Variants in CYP2F1 observed in about 807,000 individuals in gnomAD.
CYP2F1 encodes the protein cytochrome P450 2F1.
A neutral mutation model predicts 40.4 loss-of-function variants in CYP2F1; 33 were observed. The ratio of observed to expected loss-of-function variants is 0.82; its 90% CI spans 0.62 to 1.09. CYP2F1 has a LOEUF of 1.09. CYP2F1 is among the 50% of genes least tolerant of loss of function. CYP2F1 has a pLI of 0.00. For synonymous variants in CYP2F1, 235 were observed against 277.2 expected (o/e 0.85, Z 1.51); for missense variants, 566 against 655.7 (o/e 0.86, Z 1.49).
rs36044091 is a variant in CYP2F1 at position 41,114,788 on chromosome 19, CTTTTTTTTTT to C, written c.-12+310_-12+319del. Among the ~76,000 whole-genome samples the C allele has an allele frequency of 4.3e-4, 43 of 100,008 alleles. 2 individuals carry two copies. Among genetic ancestry groups the C allele is most frequent in the Non-Finnish European group, 7.6e-5 (4 of 52,618 alleles). 65.6% of individuals were successfully genotyped at this position (100,008 alleles called of 152,430 possible). On this transcript the variant is annotated intron_variant, in intron 1 of 9. Coordinates refer to ENST00000331105, the MANE Select transcript of CYP2F1 (RefSeq NM_000774.5). ...CGTCTCTTTCTCTCTCTCTCTCTCT[CTTTTTTTTTT>C]TTTTTTTTTTTTTGAGGCTGGAGTG...
intron 3 of CYP2F1, among the ~76,000 whole-genome samples, chr19:41,119,450 T>C (rs1219828448): frequency 6.6e-6 from 1 of 151,556 alleles, no homozygotes; most frequent in East Asian, 1.9e-4. Context: ...TCATCTCTAT[T>C]AAAAATACAA....
At chr19:41,124,679 C>T (rs2032442322) in intron 7 of CYP2F1, 40 bp from the exon 8 acceptor site, 1 of 1,577,176 alleles carries the variant, frequency 6.3e-7, no homozygotes, top group Admixed American at 1.7e-5. Flanking sequence ...CCTGTCGCGC[C>T]CGCTGATACC....
At position 41,124,794 on chromosome 19, in the gene CYP2F1, C is replaced by T. The variant is rs765985687; in HGVS notation, c.1040C>T (p.Pro347Leu). ...LPALKDRAAM[P>L]YTDAVIHEVQ... ...GCGCTGAAGGACCGCGCGGCCATGC[C>T]TTACACAGACGCGGTGATCCACGAG... is the stretch of plus-strand genomic sequence containing the variant. The change falls in exon 8 of 10, where the codon CCT becomes CTT. Residue 347 changes from proline (P) to leucine (L), a missense_variant. Physicochemically the swap from Pro to Leu is moderately conservative, Grantham distance 98. Coordinates refer to ENST00000331105, the MANE Select transcript of CYP2F1 (RefSeq NM_000774.5). 3.1e-6 allele frequency: 5 copies of T among 1,611,222 alleles called. No homozygotes were observed. The highest frequency in any genetic ancestry group is 1.7e-5 in the Admixed American group (1 of 59,952).
At position 41,124,649 on chromosome 19, in the gene CYP2F1, C is replaced by A. The variant is rs2032440217; in HGVS notation, c.965-70C>A. On this transcript the variant is annotated intron_variant, in intron 7 of 9. Transcript: ENST00000331105. ...AGACGCCTCCCCACACACGCACACACCTCTTATCAGCCTGGTTGCCCTGTC... is the reference window on the plus strand; with the variant it reads ...AGACGCCTCCCCACACACGCACACAACTCTTATCAGCCTGGTTGCCCTGTC... 18 of 1,413,620 alleles carry A rather than the reference C, an allele frequency of 1.3e-5. No homozygotes were observed. In the South Asian group the frequency reaches 2.2e-4, roughly 17 times the overall value. 87.6% of individuals were successfully genotyped at this position (1,413,620 alleles called of 1,614,324 possible). A position where few individuals can be genotyped will look rare whatever the true frequency, so the allele number is the denominator to read the frequency against.
intron 3 of CYP2F1, among the ~76,000 whole-genome samples, chr19:41,119,373 G>C (rs1186865343): frequency 6.6e-6 from 1 of 152,126 alleles, no homozygotes; most frequent in Non-Finnish European, 1.5e-5. Flanking sequence ...AGCACTTTGG[G>C]AGGCCGAGGT....
chr19:41,116,289 C>T lies in CYP2F1; in HGVS notation c.101C>T (p.Pro34Leu), dbSNP rs952504994. The change falls in exon 2 of 10, where the codon CCC becomes CTC. Residue 34 changes from proline to leucine, a missense_variant. Around this residue, in one of 5 missense-constraint regions of CYP2F1, gnomAD observed 264 missense variants for 275.7 expected, o/e 0.96. Coordinates refer to ENST00000331105, the MANE Select transcript of CYP2F1 (RefSeq NM_000774.5). ...SRDKGKLPPGPRPLSILGNLL... is the reference protein window; with the variant it reads ...SRDKGKLPPGLRPLSILGNLL... ...GATAAGGGAAAGCTGCCTCCGGGAC[C>T]CAGACCCCTCTCAATCCTGGGAAAC... 5 of 1,614,112 alleles carry T rather than the reference C, an allele frequency of 3.1e-6. No individual in the cohort carries two copies. The highest frequency in any genetic ancestry group is 4.5e-5 in the East Asian group (2 of 44,874).
chr19:41,126,277 T>C (rs995597294), intron 9 of CYP2F1, among the ~76,000 whole-genome samples: 2 of 150,962 alleles, frequency 1.3e-5, no homozygotes, highest in Admixed American at 6.6e-5. Context: ...AATACAAAAT[T>C]AGCCAGGAAT....
chr19:41,125,977 A>C (rs892127096), intron 9 of CYP2F1, among the ~76,000 whole-genome samples: 1 of 151,970 alleles, frequency 6.6e-6, no homozygotes, highest in Admixed American at 6.6e-5. Flanking sequence ...TACTTAAAAT[A>C]CAAAAATTAG....
In CYP2F1 at chr19:41,120,373, TG is replaced by T. The variant is rs777282327; in HGVS notation, c.363del (p.Trp121Ter). The part of the protein sequence containing the change: ...NGIAFSSGDR[W>X]KVLRQFSIQI... The stretch of plus-strand genomic sequence containing the variant: ...CATCGCCTTCTCCAGTGGGGATCGA[TG>T]GAAGGTCCTGAGACAGTTCTCTATC... On this transcript the variant is annotated frameshift_variant, in exon 4 of 10. Transcript: ENST00000331105. LOFTEE classifies it high-confidence loss of function. 3.1e-6 allele frequency: 5 copies of T among 1,609,844 alleles called. No individual in the cohort carries two copies. The highest frequency in any genetic ancestry group is 4.2e-6 in the Non-Finnish European group (5 of 1,178,596).
At position 41,116,149 on chromosome 19, in the gene CYP2F1, C is replaced by G. The variant is rs367694553; in HGVS notation, c.-11-29C>G. 29 of 1,562,872 alleles carry G rather than the reference C, an allele frequency of 1.9e-5. No homozygotes were observed. In the African/African-American group the frequency reaches 3.9e-4, roughly 21 times the overall value. On this transcript the variant is annotated intron_variant, in intron 1 of 9. Coordinates refer to ENST00000331105, the MANE Select transcript of CYP2F1 (RefSeq NM_000774.5). ...GGAAAGGAGGGATCAGCGATGTCCT[C>G]TCCCACTTTGCCCTCCACACGCCAG...
At chr19:41,115,177 G>T (rs1449875593) in intron 1 of CYP2F1, among the ~76,000 whole-genome samples, 1 of 151,746 alleles carries the variant, frequency 6.6e-6, no homozygotes, top group Non-Finnish European at 1.5e-5. Flanking sequence ...CTGTCTATGT[G>T]ACTCTGTCTT....
At chr19:41,117,661 A>G (rs1293866488) in intron 3 of CYP2F1, among the ~76,000 whole-genome samples, 3 of 152,100 alleles carry the variant, frequency 2.0e-5, no homozygotes, top group Non-Finnish European at 2.9e-5. Flanking sequence ...AATACAATTT[A>G]TCATCAATCT....
rs766448160 is a variant in CYP2F1, at chr19:41,116,169, C to A, written c.-11-9C>A. 6.2e-7 allele frequency: 1 copy of A among 1,605,942 alleles called. No homozygotes were observed. ...GTCCTCTCCCACTTTGCCCTCCACA[C>A]GCCAGCAGCTGCCTTCACCATGGAC... On this transcript the variant is annotated splice_polypyrimidine_tract_variant and intron_variant, in intron 1 of 9. Coordinates refer to ENST00000331105, the MANE Select transcript of CYP2F1 (RefSeq NM_000774.5).
chr19:41,115,291 C>T (rs2031727381), intron 1 of CYP2F1, among the ~76,000 whole-genome samples: 1 of 152,094 alleles, frequency 6.6e-6, no homozygotes, highest in African/African-American at 2.4e-5. Flanking sequence ...TCCATCCTTC[C>T]ATGTCCCTCT....
At chr19:41,114,564 A>G (rs2144741867) in intron 1 of CYP2F1, 72 bp downstream of exon 1, 1 of 152,238 alleles carries the variant, frequency 6.6e-6, no homozygotes, top group East Asian at 1.9e-4. Context: ...GCCAGCTCCA[A>G]TCTCTGTCTC....
chr19:41,117,162 G>C (rs2031867646), intron 3 of CYP2F1, among the ~76,000 whole-genome samples: 1 of 151,282 alleles, frequency 6.6e-6, no homozygotes, highest in South Asian at 2.1e-4. Flanking sequence ...GATGAGTCTT[G>C]CTCTGTCACC....
intron 6 of CYP2F1, 97 bp downstream of exon 6, chr19:41,122,230 G>C: frequency 8.5e-7 from 1 of 1,171,136 alleles, no homozygotes; most frequent in Non-Finnish European, 1.2e-6. Context: ...GGCAGGGTTG[G>C]GGGACCTTCT....
At chr19:41,117,319 A>G (rs1030403145) in intron 3 of CYP2F1, among the ~76,000 whole-genome samples, 1 of 151,912 alleles carries the variant, frequency 6.6e-6, no homozygotes, top group Non-Finnish European at 1.5e-5. Flanking sequence ...TTTAGTAGAG[A>G]TGGGGTTTTG....
At chr19:41,120,578 C>A (rs377364063) in intron 4 of CYP2F1, 82 bp downstream of exon 4, 14 of 1,453,020 alleles carry the variant, frequency 9.6e-6, no homozygotes, top group African/African-American at 1.4e-5. Context: ...ACCTCCTGGG[C>A]CCAAACCATC....
Sources: allele counts gnomAD v4.1 joint callset (sites outside exome capture counted in the v4.1 genomes callset), GRCh38; gene constraint gnomAD v4.1.1; regional missense constraint gnomAD v4.1.1; transcripts MANE v1.5; gene names NCBI Gene and HGNC (gene_info 2026-07-23, HGNC 2026-07-21).